Variants in THSD7B observed in about 807,000 individuals in gnomAD.
THSD7B encodes thrombospondin type 1 domain containing 7B, also known as thrombospondin type-1 domain-containing protein 7B.
A neutral mutation model predicts 213.6 loss-of-function variants in THSD7B; 138 were observed. The observed-to-expected ratio is 0.65, with a 90% CI of 0.56 to 0.74. The LOEUF is 0.74. Ranked by LOEUF, THSD7B falls within the 30% of genes least tolerant of loss-of-function variation. The pLI, the probability that THSD7B is intolerant of heterozygous loss-of-function variation, is 0.00. For synonymous variants in THSD7B, 742 were observed against 687.0 expected (o/e 1.08, Z -1.25); for missense variants, 1,931 against 1,991.5 (o/e 0.97, Z 0.58).
At chr2:137,356,967 GACACACACACACAC>G (rs3048465) in intron 12 of THSD7B, among the ~76,000 whole-genome samples, 3 of 140,976 alleles carry the variant, frequency 2.1e-5, no homozygotes, top group East Asian at 2.1e-4. Context: ...CACACACACA[GACACACACACACAC>G]ACACACACAC....
intron 15 of THSD7B, among the ~76,000 whole-genome samples, chr2:137,537,690 C>G (rs1479594520): frequency 6.6e-6 from 1 of 151,614 alleles, no homozygotes; most frequent in Non-Finnish European, 1.5e-5. Context: ...AACTTGATTT[C>G]AAATTGAAAA....
rs1681847358 is a variant in THSD7B, at chr2:137,590,792, G to GTTTTTTTTTTTTTTGTTT, written c.3423+18250_3423+18251insGTTTTTTTTTTTTTTTTT. Among the ~76,000 whole-genome samples the GTTTTTTTTTTTTTTGTTT allele has an allele frequency of 7.9e-5, 7 of 88,716 alleles. 2 individuals are homozygous for GTTTTTTTTTTTTTTGTTT. Among genetic ancestry groups the GTTTTTTTTTTTTTTGTTT allele is most frequent in the African/African-American group, 2.8e-4 (7 of 24,570 alleles). The allele number at this position is 88,716 out of a possible 152,430, so 58.2% of individuals were successfully genotyped here. ...GCATTTTTCCCTCTGCTTTGAAATA[G>GTTTTTTTTTTTTTTGTTT]TTTTTTTTTTTTTTTTTTTTTAGCT... is the stretch of plus-strand genomic sequence containing the variant. On this transcript the variant is annotated intron_variant, in intron 17 of 27. Coordinates refer to ENST00000409968, the MANE Select transcript of THSD7B (RefSeq NM_001316349.2).
chr2:137,090,173 G>A (rs1158743658), intron 3 of THSD7B, among the ~76,000 whole-genome samples: 2 of 151,742 alleles, frequency 1.3e-5, no homozygotes, highest in Admixed American at 1.3e-4. Context: ...ACATATGAAA[G>A]TATAAAACAT....
intron 9 of THSD7B, among the ~76,000 whole-genome samples, chr2:137,235,394 C>G (rs922012051): frequency 6.6e-6 from 1 of 152,090 alleles, no homozygotes; most frequent in Non-Finnish European, 1.5e-5. Context: ...ATCTTTGACC[C>G]ACTATGACAG....
At chr2:137,373,244 C>G (rs1290295258) in intron 12 of THSD7B, among the ~76,000 whole-genome samples, 3 of 152,206 alleles carry the variant, frequency 2.0e-5, no homozygotes, top group Non-Finnish European at 4.4e-5. Context: ...AATGGTATTT[C>G]TAGTTCTAGA....
At chr2:137,505,920 G>T (rs1367278118) in intron 15 of THSD7B, among the ~76,000 whole-genome samples, 1 of 152,198 alleles carries the variant, frequency 6.6e-6, no homozygotes, top group African/African-American at 2.4e-5. Flanking sequence ...ATAATAACTG[G>T]CATAGTGGCC....
intron 12 of THSD7B, among the ~76,000 whole-genome samples, chr2:137,308,508 A>G (rs1683811317): frequency 1.3e-5 from 2 of 152,246 alleles, no homozygotes; most frequent in South Asian, 2.1e-4. Flanking sequence ...TTGTAGATAT[A>G]TCATATTCCT....
chr2:137,073,183 C>T lies in THSD7B; in HGVS notation c.950+15953C>T, dbSNP rs546200629. Among the ~76,000 whole-genome samples the T allele has an allele frequency of 3.8e-4, 58 of 152,182 alleles. 1 individual carries two copies. The highest frequency in any genetic ancestry group is 1.4e-3 in the African/African-American group (56 of 41,478). ...GGAATAGTTTCAGAAGGAATGGTACCAGTTCCTCTTTGTACCTCTGGTAGA... is the reference window on the plus strand; with the variant it reads ...GGAATAGTTTCAGAAGGAATGGTACTAGTTCCTCTTTGTACCTCTGGTAGA... On this transcript the variant is annotated intron_variant, in intron 3 of 27. Coordinates refer to ENST00000409968, the MANE Select transcript of THSD7B (RefSeq NM_001316349.2).
chr2:137,477,655 A>G (rs1384903656), intron 15 of THSD7B, among the ~76,000 whole-genome samples: 1 of 151,490 alleles, frequency 6.6e-6, no homozygotes, highest in Non-Finnish European at 1.5e-5. Flanking sequence ...TAGTGATAAC[A>G]TTTGAGTTCT....
intron 1 of THSD7B, among the ~76,000 whole-genome samples, chr2:136,771,299 T>A (rs1181460297): frequency 3.3e-5 from 5 of 152,282 alleles, no homozygotes; most frequent in Non-Finnish European, 7.4e-5. Context: ...TGTTAATGAC[T>A]TTGAGTAAAA....
At chr2:137,667,130 T>A (rs775787730) in intron 26 of THSD7B, among the ~76,000 whole-genome samples, 11 of 152,318 alleles carry the variant, frequency 7.2e-5, no homozygotes, top group Non-Finnish European at 1.3e-4. Context: ...TTTTTGTATA[T>A]GCATATGACT....
At chr2:137,539,195 G>A (rs1680562009) in intron 15 of THSD7B, among the ~76,000 whole-genome samples, 2 of 151,694 alleles carry the variant, frequency 1.3e-5, no homozygotes, top group Admixed American at 1.3e-4. Context: ...TACTTGTGTA[G>A]TAGACTGGAG....
intron 20 of THSD7B, among the ~76,000 whole-genome samples, chr2:137,628,718 G>C (rs1432379654): frequency 6.6e-6 from 1 of 152,140 alleles, no homozygotes; most frequent in Non-Finnish European, 1.5e-5. Flanking sequence ...CATGGAAAAG[G>C]CAAGAAAGAA....
At chr2:136,821,733 G>A (rs1206053278) in intron 1 of THSD7B, among the ~76,000 whole-genome samples, 1 of 152,124 alleles carries the variant, frequency 6.6e-6, no homozygotes, top group African/African-American at 2.4e-5. Context: ...GAAATTCTTA[G>A]TATAGGCAAT....
At position 137,676,650 on chromosome 2, in the gene THSD7B, T is replaced by C. The variant is rs78789846; in HGVS notation, c.*45T>C. ...TGTAGACATCAACTGCCTTAACCGC[T>C]TTCTCTTTTGTAGCTCTCAGACTTC... On this transcript the variant is annotated 3_prime_UTR_variant, in exon 28 of 28. Transcript: ENST00000409968. The C allele has an allele frequency of 0.036, 53,913 of 1,491,502 alleles. 2,069 individuals carry two copies. Among genetic ancestry groups the C allele is most frequent in the African/African-American group, 0.2 (13,829 of 69,644 alleles). The allele number at this position is 1,491,502 out of a possible 1,614,324, so 92.4% of individuals were successfully genotyped here. A position where few individuals can be genotyped will look rare whatever the true frequency, so the allele number is the denominator to read the frequency against.
intron 1 of THSD7B, among the ~76,000 whole-genome samples, chr2:136,837,746 T>C (rs1682866777): frequency 6.6e-6 from 1 of 152,236 alleles, no homozygotes; most frequent in African/African-American, 2.4e-5. Flanking sequence ...ATTACATTCA[T>C]CTTTTTTTCC....
intron 3 of THSD7B, among the ~76,000 whole-genome samples, chr2:137,074,720 G>C (rs1380976279): frequency 6.6e-6 from 1 of 152,158 alleles, no homozygotes; most frequent in East Asian, 1.9e-4. Flanking sequence ...GCAGTGGCTG[G>C]TTCCGGTTGT....
intron 15 of THSD7B, among the ~76,000 whole-genome samples, chr2:137,459,387 C>T (rs1004411123): frequency 4.6e-5 from 7 of 152,054 alleles, no homozygotes; most frequent in African/African-American, 1.4e-4. Flanking sequence ...GATAGAAAGA[C>T]CCAGTGTGGT....
intron 14 of THSD7B, among the ~76,000 whole-genome samples, chr2:137,447,754 G>A (rs935037692): frequency 4.7e-5 from 7 of 150,146 alleles, no homozygotes; most frequent in African/African-American, 1.7e-4. Context: ...ATATTAATCT[G>A]AAAGAAATAT....
Sources: gnomAD v4.1 joint callset for allele counts (sites outside exome capture counted in the v4.1 genomes callset) on GRCh38, gnomAD v4.1.1 for gene constraint, MANE v1.5 for transcripts, NCBI Gene and HGNC (gene_info 2026-07-23, HGNC 2026-07-21) for gene names.